The following ANK2 variants were observed in gnomAD, a reference collection of about 807,000 sequenced individuals.
The protein encoded by ANK2 is ankyrin-2.
Under a neutral mutation model 360.5 loss-of-function variants are expected in ANK2, and 83 were observed. The observed-to-expected ratio is 0.23, with a 90% confidence interval of 0.19 to 0.28. The LOEUF is 0.28. Among genes scored for constraint, ANK2 ranks in the 10% least tolerant of loss-of-function variants. The pLI is 1.00. For missense variants in ANK2, 4,201 were observed against 4,795.7 expected (o/e 0.88, Z 3.66); for synonymous variants, 1,740 against 1,759.5 (o/e 0.99, Z 0.28).
At chr4:112,918,663 T>A (rs1276518092) in intron 2 of ANK2, among the ~76,000 whole-genome samples, 1 of 152,220 alleles carries the variant, frequency 6.6e-6, no homozygotes, top group Non-Finnish European at 1.5e-5. Flanking sequence ...AATTATGTGA[T>A]CTACTGTCTT....
intron 2 of ANK2, among the ~76,000 whole-genome samples, chr4:113,006,199 G>A (rs954800975): frequency 1.3e-5 from 2 of 152,130 alleles, no homozygotes; most frequent in Admixed American, 1.3e-4. Flanking sequence ...ATGATAAACA[G>A]TTGAGAAGAC....
chr4:113,336,863 T>A, intron 31 of ANK2, 82 bp downstream of exon 31: 1 of 1,355,008 alleles, frequency 7.4e-7, no homozygotes, highest in African/African-American at 1.4e-5. Flanking sequence ...ACCTTTGTCA[T>A]AAGATGTCTG....
At chr4:113,053,253 AC>A (rs2067971746) in intron 1 of ANK2, among the ~76,000 whole-genome samples, 1 of 152,168 alleles carries the variant, frequency 6.6e-6, no homozygotes, top group South Asian at 2.1e-4. Flanking sequence ...ACACAAAGAT[AC>A]CTTTGGAGAG....
chr4:113,258,283 G>T (rs749933256), intron 12 of ANK2, 30 bp from the exon 13 acceptor site: 1 of 1,607,748 alleles, frequency 6.2e-7, no homozygotes, highest in South Asian at 1.1e-5. Flanking sequence ...CGGTGCAGAG[G>T]AGTAAAACTG....
At chr4:113,367,953 A>C in intron 42 of ANK2, 102 bp downstream of exon 42, 3 of 1,402,966 alleles carry the variant, frequency 2.1e-6, no homozygotes, top group Non-Finnish European at 3.0e-6. Context: ...TACTTTTTAA[A>C]ATGACCCTAC....
At chr4:113,100,714 C>T (rs2101318) in intron 1 of ANK2, among the ~76,000 whole-genome samples, 73,587 of 151,892 alleles carry the variant, frequency 0.48, 18,837 homozygotes, top group African/African-American at 0.64. Context: ...TTGTGAAAAA[C>T]CAGAGGCAAC....
intron 1 of ANK2, among the ~76,000 whole-genome samples, chr4:112,820,664 G>A (rs2056742851): frequency 6.6e-6 from 1 of 152,054 alleles, no homozygotes; most frequent in Admixed American, 6.6e-5. Flanking sequence ...TCAATTCCTG[G>A]GCTCAAGTAA....
At chr4:113,020,307 C>T in intron 2 of ANK2, among the ~76,000 whole-genome samples, 1 of 152,084 alleles carries the variant, frequency 6.6e-6, no homozygotes, top group East Asian at 1.9e-4. Flanking sequence ...CTACCTCAGC[C>T]TTTCTAGTAG....
intron 1 of ANK2, among the ~76,000 whole-genome samples, chr4:113,116,566 CA>C (rs2094803281): frequency 6.6e-6 from 1 of 152,184 alleles, no homozygotes; most frequent in South Asian, 2.1e-4. Context: ...CCTCTTCTCC[CA>C]AAACAGCAAC....
At chr4:113,161,079 A>G (rs950479488) in intron 1 of ANK2, among the ~76,000 whole-genome samples, 13 of 152,218 alleles carry the variant, frequency 8.5e-5, no homozygotes, top group African/African-American at 2.9e-4. Context: ...CATCTGGGCT[A>G]AAGTTTAGTT....
At chr4:113,228,726 A>G (rs187017427) in intron 4 of ANK2, among the ~76,000 whole-genome samples, 1 of 152,052 alleles carries the variant, frequency 6.6e-6, no homozygotes, top group East Asian at 1.9e-4. Flanking sequence ...GATATTTTTT[A>G]TAAACCTTGA....
At chr4:113,005,007 G>A (rs2052287873) in intron 2 of ANK2, among the ~76,000 whole-genome samples, 2 of 152,088 alleles carry the variant, frequency 1.3e-5, no homozygotes, top group Admixed American at 1.3e-4. Flanking sequence ...ACTAAGACAT[G>A]AAAACAATAA....
chr4:113,039,196 T>C (rs578067093), intron 2 of ANK2, among the ~76,000 whole-genome samples: 30 of 152,218 alleles, frequency 2.0e-4, no homozygotes, highest in South Asian at 4.1e-4. Flanking sequence ...AGTGATAAGA[T>C]AGTAAACTGA....
intron 4 of ANK2, among the ~76,000 whole-genome samples, chr4:113,208,865 T>C (rs2098986801): frequency 6.6e-6 from 1 of 151,896 alleles, no homozygotes; most frequent in African/African-American, 2.4e-5. Context: ...CTGCTTGTTA[T>C]ACATCCCTAA....
At chr4:112,712,406 ATTTTT>A in the ANK2 span, among the ~76,000 whole-genome samples, 66 of 86,820 alleles carry the variant, frequency 7.6e-4, 6 homozygotes, top group South Asian at 0.017. Context: ...ATATATATAT[ATTTTT>A]TTTTTTTTTT....
At position 113,357,173 on chromosome 4, in the gene ANK2, A is replaced by G. The variant is rs745536749; in HGVS notation, c.8555A>G (p.His2852Arg). ...TTTTCATCTTCATCCTCTTTGCCTC[A>G]TTGTTTGGTATCTGAAGGAAAAGAA... ...ESFSSSSSLP[H>R]CLVSEGKELD... Residue 2852 changes from histidine (H) to arginine (R), a missense_variant, in exon 38 of 46, where the codon CAT becomes CGT. Transcript: ENST00000357077. 6.2e-7 allele frequency: 1 copy of G among 1,614,010 alleles called. No individual in the cohort carries two copies. The highest frequency in any genetic ancestry group is 8.5e-7 in the Non-Finnish European group (1 of 1,179,992).
chr4:113,327,550 A>G (rs2090616265), intron 26 of ANK2, among the ~76,000 whole-genome samples: 1 of 152,220 alleles, frequency 6.6e-6, no homozygotes, highest in African/African-American at 2.4e-5. Context: ...CGCTTATTCA[A>G]CAGTTATTTA....
At chr4:112,853,346 C>T (rs960328529) in intron 1 of ANK2, among the ~76,000 whole-genome samples, 3 of 151,982 alleles carry the variant, frequency 2.0e-5, no homozygotes, top group Admixed American at 6.5e-5. Flanking sequence ...GGATTGCAGG[C>T]GTGAGCCACC....
the ANK2 span, among the ~76,000 whole-genome samples, chr4:112,775,140 G>A: frequency 6.6e-6 from 1 of 152,026 alleles, no homozygotes; most frequent in Admixed American, 6.6e-5. Flanking sequence ...AAAGAGAGTA[G>A]GGCATAAAGA....
Sources: gnomAD v4.1 joint callset for allele counts (sites outside exome capture counted in the v4.1 genomes callset) on GRCh38, gnomAD v4.1.1 for gene constraint, MANE v1.5 for transcripts, NCBI Gene and HGNC (gene_info 2026-07-23, HGNC 2026-07-21) for gene names.